The following CAMK2D variants were observed in gnomAD, a reference collection of about 807,000 sequenced individuals.
CAMK2D encodes calcium/calmodulin dependent protein kinase II delta.
A neutral mutation model predicts 84.0 loss-of-function variants in CAMK2D; 37 were observed. The observed-to-expected ratio is 0.44, with a 90% confidence interval of 0.34 to 0.58. The LOEUF is 0.58. CAMK2D is among the 20% of genes least tolerant of loss of function. CAMK2D has a pLI of 0.02. For synonymous variants in CAMK2D, 202 were observed against 212.5 expected, an observed-to-expected ratio of 0.95 and a Z score of 0.43; for missense variants, 448 against 652.5, an observed-to-expected ratio of 0.69 and a Z score of 3.41.
intron 4 of CAMK2D, among the ~76,000 whole-genome samples, chr4:113,582,871 C>T (rs995495231): frequency 3.3e-5 from 5 of 152,218 alleles, no homozygotes; most frequent in African/African-American, 1.2e-4. Context: ...CCATGGCATT[C>T]TGCCAGTGGA....
chr4:113,674,097 C>T (rs2099307596), intron 2 of CAMK2D, among the ~76,000 whole-genome samples: 1 of 151,996 alleles, frequency 6.6e-6, no homozygotes, highest in Non-Finnish European at 1.5e-5. Flanking sequence ...ATTCCATGTC[C>T]AATACCCTTT....
At chr4:113,612,521 T>C (rs774193783) in intron 3 of CAMK2D, among the ~76,000 whole-genome samples, 2 of 152,212 alleles carry the variant, frequency 1.3e-5, no homozygotes, top group Admixed American at 6.5e-5. Flanking sequence ...TGAAGCATAC[T>C]GCACCTCGTT....
chr4:113,456,508 GACTA>G (rs2097305110), intron 19 of CAMK2D: 1 of 81,168 alleles, frequency 1.2e-5, no homozygotes, highest in South Asian at 3.4e-4. Context: ...ATTTAGCTTG[GACTA>G]TCCATCCTCC....
At chr4:113,629,999 T>A (rs1159652718) in intron 3 of CAMK2D, among the ~76,000 whole-genome samples, 1 of 152,112 alleles carries the variant, frequency 6.6e-6, no homozygotes, top group African/African-American at 2.4e-5. Context: ...CAGGCTCATA[T>A]AATCCAGAGA....
chr4:113,629,346 AT>A lies in CAMK2D; in HGVS notation c.221-20141del, dbSNP rs530999739. On this transcript the variant is annotated intron_variant, in intron 3 of 20. Coordinates refer to ENST00000511664, the MANE Select transcript of CAMK2D (RefSeq NM_001321571.2). ...TTTTGAAAATCAAAAATAGACTCAA[AT>A]TTTTTTAAATACTTTTTTAAGGAAA... Among the ~76,000 whole-genome samples, 92 of 152,228 alleles carry A rather than the reference AT, an allele frequency of 6.0e-4. 1 individual carries two copies. Among genetic ancestry groups the A allele is most frequent in the Middle Eastern group, 3.4e-3 (1 of 294 alleles).
At chr4:113,682,584 C>A (rs2099348993) in intron 2 of CAMK2D, among the ~76,000 whole-genome samples, 1 of 151,992 alleles carries the variant, frequency 6.6e-6, no homozygotes, top group Non-Finnish European at 1.5e-5. Context: ...TATGAGTAGG[C>A]CATTTCTTCC....
At chr4:113,731,728 G>GGC (rs1292195774) in intron 2 of CAMK2D, among the ~76,000 whole-genome samples, 1 of 152,002 alleles carries the variant, frequency 6.6e-6, no homozygotes, top group Non-Finnish European at 1.5e-5. Flanking sequence ...TGGGACTACA[G>GGC]GCGCGCGCCA....
chr4:113,673,434 C>T (rs922111398), intron 2 of CAMK2D, among the ~76,000 whole-genome samples: 1 of 152,202 alleles, frequency 6.6e-6, no homozygotes, highest in Admixed American at 6.5e-5. Context: ...CCAAAAGGAC[C>T]ACCTGGCAAG....
At chr4:113,610,040 T>TG (rs112221801) in intron 3 of CAMK2D, among the ~76,000 whole-genome samples, 36 of 152,010 alleles carry the variant, frequency 2.4e-4, no homozygotes, top group South Asian at 4.2e-4. Context: ...TTTTTTTTTT[T>TG]GCTTATTTAT....
intron 2 of CAMK2D, among the ~76,000 whole-genome samples, chr4:113,681,326 T>C (rs1474894065): frequency 1.3e-5 from 2 of 152,114 alleles, no homozygotes; most frequent in Non-Finnish European, 2.9e-5. Context: ...GATGTCATGA[T>C]AGTGAGTGAG....
intron 4 of CAMK2D, among the ~76,000 whole-genome samples, chr4:113,599,243 T>C (rs1173204181): frequency 6.6e-6 from 1 of 152,180 alleles, no homozygotes; most frequent in Non-Finnish European, 1.5e-5. Flanking sequence ...CTGGTGTGAA[T>C]GCAAAATGGT....
At chr4:113,592,024 T>C (rs1047751997) in intron 4 of CAMK2D, among the ~76,000 whole-genome samples, 3 of 152,180 alleles carry the variant, frequency 2.0e-5, no homozygotes, top group Non-Finnish European at 4.4e-5. Flanking sequence ...GTTCTTTGCA[T>C]ATAATTAGTA....
At chr4:113,481,502 CAG>C (rs2097700839) in intron 16 of CAMK2D, among the ~76,000 whole-genome samples, 1 of 151,988 alleles carries the variant, frequency 6.6e-6, no homozygotes, top group Admixed American at 6.6e-5. Context: ...TTTTTTGAGA[CAG>C]AGTCTCACTC....
intron 2 of CAMK2D, among the ~76,000 whole-genome samples, chr4:113,687,946 A>G (rs1275826524): frequency 6.6e-6 from 1 of 152,226 alleles, no homozygotes; most frequent in Non-Finnish European, 1.5e-5. Context: ...AAAGCAGTAC[A>G]CAGAATAATA....
intron 2 of CAMK2D, among the ~76,000 whole-genome samples, chr4:113,680,770 C>T (rs1027357896): frequency 2.0e-5 from 3 of 152,268 alleles, no homozygotes; most frequent in Middle Eastern, 3.4e-3. Flanking sequence ...ATGTGGGTGA[C>T]TCCCATTAGG....
In CAMK2D at chr4:113,527,261, G is replaced by GT. The variant is rs34049340; in HGVS notation, c.601+3954dup. ...ATGATGATGATATTTTAGCAATACA[G>GT]TTTTTTTTTTTCTTTTTTCTTTTTG... On this transcript the variant is annotated intron_variant, in intron 8 of 20. Transcript: ENST00000511664. 7.4e-4 allele frequency among the ~76,000 whole-genome samples: 110 copies of GT among 147,710 alleles called. 1 individual carries two copies. Among genetic ancestry groups the GT allele is most frequent in the South Asian group, 8.6e-4 (4 of 4,666 alleles).
intron 2 of CAMK2D, among the ~76,000 whole-genome samples, chr4:113,665,988 T>C (rs781685124): frequency 1.6e-4 from 25 of 152,222 alleles, no homozygotes; most frequent in Admixed American, 2.6e-4. Context: ...CCAGCTAAGA[T>C]ATATTTTAAC....
intron 3 of CAMK2D, among the ~76,000 whole-genome samples, chr4:113,611,042 CACATA>C (rs1334399570): frequency 9.2e-6 from 1 of 108,314 alleles, no homozygotes; most frequent in Non-Finnish European, 1.8e-5. Flanking sequence ...GTTATATATA[CACATA>C]ACACACACAC....
At chr4:113,537,925 T>G (rs2098504681) in intron 6 of CAMK2D, among the ~76,000 whole-genome samples, 1 of 152,316 alleles carries the variant, frequency 6.6e-6, no homozygotes, top group East Asian at 1.9e-4. Flanking sequence ...GACCCAAATG[T>G]AGTGATTTTG....
Sources: gnomAD v4.1 joint callset for allele counts (sites outside exome capture counted in the v4.1 genomes callset) on GRCh38, gnomAD v4.1.1 for gene constraint, MANE v1.5 for transcripts, NCBI Gene and HGNC (gene_info 2026-07-23, HGNC 2026-07-21) for gene names.